Variants in EYS observed in about 807,000 individuals in gnomAD.
The protein encoded by EYS is EGF-like photoreceptor maintenance factor.
A neutral mutation model predicts 282.1 loss-of-function variants in EYS; 250 were observed. The observed-to-expected ratio is 0.89, with a 90% CI of 0.80 to 0.98. The LOEUF is 0.98. Ranked by LOEUF, EYS falls within the 50% of genes least tolerant of loss-of-function variation. EYS has a pLI of 0.00. For missense variants in EYS, 4,016 were observed against 3,709.0 expected (o/e 1.08, Z -2.15); for synonymous variants, 1,355 against 1,282.9 (o/e 1.06, Z -1.20).
intron 12 of EYS, among the ~76,000 whole-genome samples, chr6:65,131,429 A>G (rs1050927670): frequency 1.3e-5 from 2 of 151,816 alleles, no homozygotes; most frequent in Non-Finnish European, 2.9e-5. Context: ...TAAAAAAATC[A>G]CTCAAAACTG....
At position 63,720,450 on chromosome 6, in the gene EYS, C is replaced by T. The variant is rs1354477050; in HGVS notation, c.*146G>A. 1.7e-6 allele frequency: 1 copy of T among 594,488 alleles called. No homozygotes were observed. Among genetic ancestry groups the T allele is most frequent in the African/African-American group, 1.9e-5 (1 of 52,176 alleles). The allele number at this position is 594,488 out of a possible 1,614,324, so 36.8% of individuals were successfully genotyped here. A position where few individuals can be genotyped will look rare whatever the true frequency, so the allele number is the denominator to read the frequency against. ...AATCAGAACCTTCAGTGACATTTTA[C>T]AATCTTATCAAAAAGATATGTTAGC... is the stretch of plus-strand genomic sequence containing the variant. On this transcript the variant is annotated 3_prime_UTR_variant, in exon 43 of 43. Coordinates refer to ENST00000503581, the MANE Select transcript of EYS (RefSeq NM_001142800.2).
At chr6:65,321,804 C>T (rs966039455) in intron 11 of EYS, among the ~76,000 whole-genome samples, 1 of 152,078 alleles carries the variant, frequency 6.6e-6, no homozygotes, top group African/African-American at 2.4e-5. Flanking sequence ...GCCTCAAAAT[C>T]AGTGAGAGAG....
intron 29 of EYS, among the ~76,000 whole-genome samples, chr6:64,314,510 T>C (rs181328177): frequency 2.6e-3 from 392 of 151,856 alleles, no homozygotes; most frequent in Non-Finnish European, 4.4e-3. Flanking sequence ...ACACTTATTC[T>C]AAAATTGACC....
chr6:65,130,172 G>A (rs1775831138), intron 12 of EYS, among the ~76,000 whole-genome samples: 1 of 151,700 alleles, frequency 6.6e-6, no homozygotes, highest in African/African-American at 2.4e-5. Flanking sequence ...GGGAAAGAGA[G>A]GAGGGCAAGG....
chr6:64,925,319 T>C (rs1388282682), intron 15 of EYS, among the ~76,000 whole-genome samples: 1 of 152,178 alleles, frequency 6.6e-6, no homozygotes, highest in Non-Finnish European at 1.5e-5. Context: ...CCACAATACA[T>C]GGGAATTCTG....
chr6:63,811,269 G>A (rs796745716), intron 36 of EYS, among the ~76,000 whole-genome samples: 2 of 152,140 alleles, frequency 1.3e-5, no homozygotes, highest in Admixed American at 6.5e-5. Context: ...ATTCATGCTC[G>A]ATTTTATTCC....
At chr6:65,466,310 T>C (rs1486737133) in intron 5 of EYS, among the ~76,000 whole-genome samples, 1 of 151,604 alleles carries the variant, frequency 6.6e-6, no homozygotes, top group Admixed American at 6.6e-5. Flanking sequence ...TAAAGAGATA[T>C]TTCATTGTTG....
intron 35 of EYS, among the ~76,000 whole-genome samples, chr6:63,877,079 T>C: frequency 6.6e-6 from 1 of 152,230 alleles, no homozygotes; most frequent in Non-Finnish European, 1.5e-5. Flanking sequence ...GTCTTTACAA[T>C]TTGGCATGAT....
chr6:64,482,714 A>C (rs1370120176), intron 26 of EYS, among the ~76,000 whole-genome samples: 1 of 151,762 alleles, frequency 6.6e-6, no homozygotes, highest in African/African-American at 2.4e-5. Context: ...ATTGTATTTT[A>C]GCACAAAGAT....
intron 22 of EYS, among the ~76,000 whole-genome samples, chr6:64,640,634 G>T (rs928368118): frequency 6.6e-6 from 1 of 151,758 alleles, no homozygotes; most frequent in African/African-American, 2.4e-5. Flanking sequence ...ACGAGTTAAT[G>T]GGTGCAGCAC....
chr6:63,741,916 CCTT>C (rs1371443123), intron 41 of EYS: 7 of 702,268 alleles, frequency 1.0e-5, no homozygotes, highest in Non-Finnish European at 1.6e-5. Flanking sequence ...TCCTTACCCT[CCTT>C]CTTCACTTTC....
intron 29 of EYS, among the ~76,000 whole-genome samples, chr6:64,350,403 T>C (rs1771580433): frequency 6.6e-6 from 1 of 151,628 alleles, no homozygotes. Flanking sequence ...TTTCTCTATA[T>C]TCCAGAGTTT....
intron 12 of EYS, among the ~76,000 whole-genome samples, chr6:65,216,788 T>C (rs1393235080): frequency 2.0e-5 from 3 of 151,868 alleles, no homozygotes; most frequent in Non-Finnish European, 2.9e-5. Flanking sequence ...TTTTATAATA[T>C]AATATGTATA....
chr6:64,900,635 CA>C (rs1196966707), intron 18 of EYS, among the ~76,000 whole-genome samples: 1 of 152,160 alleles, frequency 6.6e-6, no homozygotes, highest in African/African-American at 2.4e-5. Flanking sequence ...AAAAAAAGCT[CA>C]TCATCACTGG....
At chr6:65,130,238 A>G (rs1276265666) in intron 12 of EYS, among the ~76,000 whole-genome samples, 3 of 151,900 alleles carry the variant, frequency 2.0e-5, no homozygotes, top group African/African-American at 4.8e-5. Context: ...AGATTCATTC[A>G]AACTCCAAAC....
At chr6:65,318,637 T>A (rs1343763357) in intron 11 of EYS, among the ~76,000 whole-genome samples, 6 of 147,732 alleles carry the variant, frequency 4.1e-5, no homozygotes, top group Non-Finnish European at 1.5e-5. Context: ...ATATAATTTA[T>A]ATATATAATA....
At chr6:64,315,770 G>T (rs989848289) in intron 29 of EYS, among the ~76,000 whole-genome samples, 1 of 149,306 alleles carries the variant, frequency 6.7e-6, no homozygotes, top group Non-Finnish European at 1.5e-5. Context: ...TACACAAAAA[G>T]AACATTTCAG....
At chr6:64,390,859 G>A (rs538944391) in intron 28 of EYS, among the ~76,000 whole-genome samples, 1 of 141,752 alleles carries the variant, frequency 7.1e-6, no homozygotes, top group East Asian at 2.1e-4. Flanking sequence ...CAAAGGCAAA[G>A]AAGTTGAAAA....
At chr6:64,405,508 T>C (rs1413877195) in intron 28 of EYS, among the ~76,000 whole-genome samples, 1 of 152,204 alleles carries the variant, frequency 6.6e-6, no homozygotes, top group Non-Finnish European at 1.5e-5. Flanking sequence ...AAATAAAGTA[T>C]ATTCAATTAG....
Sources: gnomAD v4.1 joint callset for allele counts (sites outside exome capture counted in the v4.1 genomes callset) on GRCh38, gnomAD v4.1.1 for gene constraint, MANE v1.5 for transcripts, NCBI Gene and HGNC (gene_info 2026-07-23, HGNC 2026-07-21) for gene names.